Variants in CHMP3 observed in about 807,000 individuals in gnomAD.
CHMP3 encodes the protein charged multivesicular body protein 3.
Under a neutral mutation model 27.4 loss-of-function variants are expected in CHMP3, and 8 were observed. The observed-to-expected ratio is 0.29, with a 90% CI of 0.17 to 0.53. The LOEUF (loss-of-function observed/expected upper bound fraction) is 0.53, where lower values mean the gene tolerates loss of function less well. Among genes scored for constraint, CHMP3 ranks in the 20% least tolerant of loss-of-function variants. CHMP3 has a pLI of 0.96. For missense variants in CHMP3, 208 were observed against 271.5 expected (o/e 0.77, Z 1.64); for synonymous variants, 86 against 85.5 (o/e 1.01, Z -0.03).
Position 86,503,863 on chromosome 2 carries a change from T to C in CHMP3, c.*1941A>G, listed in dbSNP as rs934959830. 1 of 152,150 alleles carries C rather than the reference T, an allele frequency of 6.6e-6. No homozygotes were observed. The highest frequency in any genetic ancestry group is 2.4e-5 in the African/African-American group (1 of 41,422). 9.4% of individuals were successfully genotyped at this position (152,150 alleles called of 1,614,324 possible). ...TAACATAGGAACAGGAAACCAAATA[T>C]TCCATGTTCTCACAAGTGGGAGTGA... On this transcript the variant is annotated 3_prime_UTR_variant, in exon 6 of 6. Coordinates refer to ENST00000263856, the MANE Select transcript of CHMP3 (RefSeq NM_016079.4).
chr2:86,530,559 T>C (rs1379886326), intron 2 of CHMP3, among the ~76,000 whole-genome samples: 1 of 152,246 alleles, frequency 6.6e-6, no homozygotes, highest in Non-Finnish European at 1.5e-5. Context: ...TTCCATTGTA[T>C]GTATATACGA....
intron 3 of CHMP3, among the ~76,000 whole-genome samples, chr2:86,526,397 G>C (rs1347113877): frequency 1.3e-5 from 2 of 152,024 alleles, no homozygotes; most frequent in Non-Finnish European, 2.9e-5. Context: ...AAGGTGAAAA[G>C]GTATGGAAAA....
At chr2:86,509,586 A>G (rs1404682551) in intron 4 of CHMP3, among the ~76,000 whole-genome samples, 3 of 152,210 alleles carry the variant, frequency 2.0e-5, no homozygotes, top group Non-Finnish European at 4.4e-5. Context: ...ACAGGTCTGA[A>G]GCATGAAACA....
At chr2:86,540,415 A>G (rs750149343) in intron 2 of CHMP3, among the ~76,000 whole-genome samples, 5 of 151,962 alleles carry the variant, frequency 3.3e-5, no homozygotes, top group Non-Finnish European at 7.4e-5. Context: ...AATATCTCTT[A>G]TCCAACATGC....
intron 1 of CHMP3, among the ~76,000 whole-genome samples, chr2:86,552,964 A>G (rs59613942): frequency 0.2 from 28,954 of 145,966 alleles, 3,626 homozygotes; most frequent in African/African-American, 0.36. Flanking sequence ...ATGAGAACAC[A>G]TGGGCACATG....
chr2:86,546,989 T>G (rs1015742417), intron 1 of CHMP3, among the ~76,000 whole-genome samples: 15 of 152,174 alleles, frequency 9.9e-5, no homozygotes, highest in Non-Finnish European at 2.1e-4. Flanking sequence ...AAAGTCCAGT[T>G]TATCTAAAGA....
At chr2:86,549,607 C>T (rs1297794553) in intron 1 of CHMP3, among the ~76,000 whole-genome samples, 6 of 141,024 alleles carry the variant, frequency 4.3e-5, no homozygotes, top group Non-Finnish European at 4.6e-5. Flanking sequence ...AAGGGTCGGC[C>T]GGGAAGAGGC....
chr2:86,548,175 TTC>T (rs1267292866), intron 1 of CHMP3, among the ~76,000 whole-genome samples: 1 of 135,586 alleles, frequency 7.4e-6, no homozygotes, highest in East Asian at 2.0e-4. Flanking sequence ...AGAGGAGGAG[TTC>T]TCTTTTTTTT....
chr2:86,533,006 T>A (rs1314507472), intron 2 of CHMP3, among the ~76,000 whole-genome samples: 3 of 152,216 alleles, frequency 2.0e-5, no homozygotes, highest in Non-Finnish European at 4.4e-5. Context: ...TTGGTGTTAG[T>A]TCTTCTTTAA....
intron 2 of CHMP3, 21 bp downstream of exon 2, chr2:86,542,231 A>G (rs371083277): frequency 6.8e-5 from 109 of 1,611,466 alleles, no homozygotes; most frequent in Non-Finnish European, 8.8e-5. Flanking sequence ...GAAAAATAGA[A>G]GACATAAAAT....
chr2:86,550,304 G>A (rs1676851984), intron 1 of CHMP3, among the ~76,000 whole-genome samples: 2 of 152,040 alleles, frequency 1.3e-5, no homozygotes, highest in Non-Finnish European at 2.9e-5. Flanking sequence ...GGAGCCCGGG[G>A]CAGGGAGGCT....
At position 86,504,820 on chromosome 2, in the gene CHMP3, T is replaced by A. The variant is rs913306613; in HGVS notation, c.*984A>T. 2 of 152,180 alleles carry A rather than the reference T, an allele frequency of 1.3e-5. No individual in the cohort carries two copies. The highest frequency in any genetic ancestry group is 2.9e-5 in the Non-Finnish European group (2 of 68,032). 9.4% of individuals were successfully genotyped at this position (152,180 alleles called of 1,614,324 possible). On this transcript the variant is annotated 3_prime_UTR_variant, in exon 6 of 6. Coordinates refer to ENST00000263856, the MANE Select transcript of CHMP3 (RefSeq NM_016079.4). The stretch of plus-strand genomic sequence containing the variant: ...GGGTTTGAATCCCATCTCTGATACT[T>A]CCCAAACTGAGCTGTTTTCCTTATT...
At chr2:86,507,716 A>T in intron 4 of CHMP3, 123 bp from the exon 5 acceptor site, 3 of 775,604 alleles carry the variant, frequency 3.9e-6, no homozygotes, top group Non-Finnish European at 6.5e-6. Flanking sequence ...CTGACACACG[A>T]GACAGCTGGC....
At chr2:86,521,391 A>C (rs1675517589) in intron 3 of CHMP3, among the ~76,000 whole-genome samples, 1 of 152,244 alleles carries the variant, frequency 6.6e-6, no homozygotes, top group Non-Finnish European at 1.5e-5. Context: ...ATAGTAAAAT[A>C]TACATAACAT....
rs902490676 is a variant in CHMP3, at chr2:86,558,672, C to T, written c.45+4632G>A. The stretch of plus-strand genomic sequence containing the variant: ...CTTATCCTGTGCCAGGACCCAGACC[C>T]ACCTGCCTGCATCTTTCAGCCCCCA... On this transcript the variant is annotated intron_variant, in intron 1 of 5. Transcript: ENST00000263856. Among the ~76,000 whole-genome samples, 3 of 152,254 alleles carry T rather than the reference C, an allele frequency of 2.0e-5. No homozygotes were observed. In the South Asian group the frequency reaches 6.2e-4, roughly 32 times the overall value.
intron 5 of CHMP3, among the ~76,000 whole-genome samples, chr2:86,506,468 C>T (rs905523748): frequency 2.0e-5 from 3 of 151,982 alleles, no homozygotes; most frequent in Non-Finnish European, 2.9e-5. Flanking sequence ...TGTTTTTACA[C>T]AAAAGTATGT....
At chr2:86,560,221 C>T (rs867389106) in intron 1 of CHMP3, among the ~76,000 whole-genome samples, 27 of 151,978 alleles carry the variant, frequency 1.8e-4, no homozygotes, top group African/African-American at 4.3e-4. Flanking sequence ...GCTGAGATCG[C>T]GCCACTGCAC....
rs575077642 is a variant in CHMP3, at chr2:86,504,911, G to A, written c.*893C>T. ...CTCTCAACACATACAAAGTACTACTGCTGAAATGATTTATAAATGTATCTT... is the reference window on the plus strand; with the variant it reads ...CTCTCAACACATACAAAGTACTACTACTGAAATGATTTATAAATGTATCTT... On this transcript the variant is annotated 3_prime_UTR_variant, in exon 6 of 6. Coordinates refer to ENST00000263856, the MANE Select transcript of CHMP3 (RefSeq NM_016079.4). 1 of 152,240 alleles carries A rather than the reference G, an allele frequency of 6.6e-6. No individual in the cohort carries two copies. The highest frequency in any genetic ancestry group is 2.4e-5 in the African/African-American group (1 of 41,540). 9.4% of individuals were successfully genotyped at this position (152,240 alleles called of 1,614,324 possible).
At position 86,542,333 on chromosome 2, in the gene CHMP3, G is replaced by C. The variant is rs758423805; in HGVS notation, c.46-21C>G. ...TTGACCTGGGAAAATTTTTAGAAAA[G>C]GAATGAGGAGAAAAGCCGAAACTCC... On this transcript the variant is annotated intron_variant, in intron 1 of 5. Coordinates refer to ENST00000263856, the MANE Select transcript of CHMP3 (RefSeq NM_016079.4). 6.8e-6 allele frequency: 11 copies of C among 1,611,240 alleles called. No homozygotes were observed. The African/African-American group carries it at 1.2e-4, about 18-fold the overall frequency.
Sources: gnomAD v4.1 joint callset for allele counts (sites outside exome capture counted in the v4.1 genomes callset) on GRCh38, gnomAD v4.1.1 for gene constraint, MANE v1.5 for transcripts, NCBI Gene and HGNC (gene_info 2026-07-23, HGNC 2026-07-21) for gene names.